SEMA3A: variants seen among roughly 807,000 people sequenced by gnomAD.
SEMA3A encodes semaphorin-3A.
In SEMA3A, 29 loss-of-function variants were observed where a neutral mutation model predicts 97.9. The observed-to-expected ratio is 0.30, with a 90% confidence interval of 0.22 to 0.40. The LOEUF is 0.40. SEMA3A is among the 10% of genes least tolerant of loss of function. SEMA3A has a pLI of 1.00. For synonymous variants in SEMA3A, 321 were observed against 323.7 expected, an observed-to-expected ratio of 0.99 and a Z score of 0.09; for missense variants, 763 against 951.3, an observed-to-expected ratio of 0.80 and a Z score of 2.60.
At chr7:84,127,998 T>C (rs1795853061) in intron 3 of SEMA3A, among the ~76,000 whole-genome samples, 4 of 152,094 alleles carry the variant, frequency 2.6e-5, no homozygotes, top group African/African-American at 7.2e-5. Flanking sequence ...GTAATTCATT[T>C]GAATTAATTT....
At chr7:84,076,450 A>G (rs1177743397) in intron 4 of SEMA3A, among the ~76,000 whole-genome samples, 1 of 151,984 alleles carries the variant, frequency 6.6e-6, no homozygotes, top group East Asian at 1.9e-4. Context: ...GATCATAAAA[A>G]CCTGATTTTT....
intron 2 of SEMA3A, among the ~76,000 whole-genome samples, chr7:84,366,615 C>A (rs963165021): frequency 3.3e-5 from 5 of 151,354 alleles, no homozygotes; most frequent in African/African-American, 1.2e-4. Flanking sequence ...CCATACTTTA[C>A]ACTCAATCAA....
chr7:84,453,161 G>C (rs191294665), intron 1 of SEMA3A, among the ~76,000 whole-genome samples: 1 of 151,646 alleles, frequency 6.6e-6, no homozygotes, highest in Non-Finnish European at 1.5e-5. Context: ...CTACTGCTAA[G>C]CAAATTCAAC....
rs150251305 is a variant in SEMA3A, at chr7:84,252,165, T to C, written c.-83+55042A>G. Among the ~76,000 whole-genome samples the C allele has an allele frequency of 5.6e-4, 86 of 152,260 alleles. 1 individual carries two copies. Among genetic ancestry groups the C allele is most frequent in the Non-Finnish European group, 9.0e-4 (61 of 68,008 alleles). Reference sequence around the variant, plus strand: ...AGCAATCCTCTTCCCTGAATGTCATTGTTCCCTGCAGAGACTTTGGTAAGT... The same window carrying C: ...AGCAATCCTCTTCCCTGAATGTCATCGTTCCCTGCAGAGACTTTGGTAAGT... On this transcript the variant is annotated intron_variant, in intron 3 of 3. Coordinates refer to the SEMA3A transcript ENST00000424555.
intron 1 of SEMA3A, among the ~76,000 whole-genome samples, chr7:84,471,978 T>C (rs551465924): frequency 3.0e-4 from 46 of 152,102 alleles, no homozygotes; most frequent in Admixed American, 1.4e-3. Context: ...TATTATTAAT[T>C]GCATTGACCT....
chr7:84,434,137 C>A (rs1017836001), intron 1 of SEMA3A, among the ~76,000 whole-genome samples: 3 of 151,956 alleles, frequency 2.0e-5, no homozygotes, highest in African/African-American at 7.3e-5. Flanking sequence ...AAGGTGGTAT[C>A]TTGTGGATTT....
At chr7:84,297,527 T>C (rs1239238981) in intron 3 of SEMA3A, among the ~76,000 whole-genome samples, 1 of 152,192 alleles carries the variant, frequency 6.6e-6, no homozygotes, top group Admixed American at 6.6e-5. Flanking sequence ...TCAACTTTCA[T>C]AGTATAGATG....
chr7:84,230,757 C>T (rs767117855), intron 3 of SEMA3A, among the ~76,000 whole-genome samples: 7 of 151,888 alleles, frequency 4.6e-5, no homozygotes, highest in Non-Finnish European at 1.0e-4. Context: ...CTTGATTACA[C>T]AGTTATCTAA....
intron 2 of SEMA3A, among the ~76,000 whole-genome samples, chr7:84,337,904 T>C (rs1452773820): frequency 2.0e-5 from 3 of 152,090 alleles, no homozygotes; most frequent in Admixed American, 2.0e-4. Flanking sequence ...AGAGCAGTGC[T>C]ATATCTAGGA....
At chr7:84,141,511 T>A (rs1796290633) in intron 1 of SEMA3A, among the ~76,000 whole-genome samples, 1 of 152,206 alleles carries the variant, frequency 6.6e-6, no homozygotes, top group Admixed American at 6.5e-5. Context: ...AGACTTTTCT[T>A]TGTATTTTAA....
chr7:83,963,250 C>T lies in SEMA3A; in HGVS notation c.1815G>A (p.Leu605=), dbSNP rs1381262195. The T allele has an allele frequency of 1.2e-5, 20 of 1,613,458 alleles. No individual in the cohort carries two copies. The highest frequency in any genetic ancestry group is 2.2e-5 in the East Asian group (1 of 44,884). Residue 605 remains leucine, a synonymous_variant, in exon 16 of 17, where the codon CTG becomes CTA. Coordinates refer to ENST00000265362, the MANE Select transcript of SEMA3A (RefSeq NM_006080.3). The part of the protein sequence containing the change: ...LECSPKSQRA[L]VYWQFQRRNE... ...TTCGCCTCTGGAATTGCCAATAGACCAGCGCTCTCTGCGACTTCGGACTGC... is the reference window on the plus strand; with the variant it reads ...TTCGCCTCTGGAATTGCCAATAGACTAGCGCTCTCTGCGACTTCGGACTGC...
intron 2 of SEMA3A, among the ~76,000 whole-genome samples, chr7:84,317,703 T>C (rs1441502761): frequency 6.6e-6 from 1 of 152,204 alleles, no homozygotes; most frequent in Non-Finnish European, 1.5e-5. Flanking sequence ...ACATATTTCA[T>C]CAGCTATTGT....
chr7:84,391,353 G>A (rs932320686), intron 1 of SEMA3A, among the ~76,000 whole-genome samples: 1 of 152,124 alleles, frequency 6.6e-6, no homozygotes, highest in Admixed American at 6.6e-5. Flanking sequence ...ATCTGGCTAG[G>A]AAACATATGT....
At chr7:84,460,901 G>T (rs968283056) in intron 1 of SEMA3A, among the ~76,000 whole-genome samples, 1 of 152,154 alleles carries the variant, frequency 6.6e-6, no homozygotes, top group African/African-American at 2.4e-5. Flanking sequence ...GTGCAAAATT[G>T]AGTCACATAG....
intron 1 of SEMA3A, among the ~76,000 whole-genome samples, chr7:84,425,135 AAAT>A (rs1415309650): frequency 1.8e-5 from 2 of 110,016 alleles, no homozygotes; most frequent in African/African-American, 7.5e-5. Flanking sequence ...ATTTATATAT[AAAT>A]ATTATATATA....
chr7:83,975,113 C>T (rs535082774), intron 15 of SEMA3A, among the ~76,000 whole-genome samples: 1 of 152,270 alleles, frequency 6.6e-6, no homozygotes, highest in South Asian at 2.1e-4. Context: ...ACTCTCCAAA[C>T]CCCAGTCATT....
At position 83,983,248 on chromosome 7, in the gene SEMA3A, CTTCT is replaced by C. The variant is rs201907639; in HGVS notation, c.1495-1774_1495-1771del. Among the ~76,000 whole-genome samples the C allele has an allele frequency of 5.7e-3, 840 of 146,570 alleles. 8 individuals are homozygous for C. The highest frequency in any genetic ancestry group is 0.02 in the African/African-American group (809 of 39,690). ...TTCTTTCTTTCTTTCTTTTCTTTCT[CTTCT>C]TTCTTTCTTTTTCTTTCACAGACTC... On this transcript the variant is annotated intron_variant, in intron 13 of 16. Transcript: ENST00000265362.
At chr7:84,383,714 A>G (rs1042925010) in intron 1 of SEMA3A, among the ~76,000 whole-genome samples, 6 of 152,194 alleles carry the variant, frequency 3.9e-5, no homozygotes, top group African/African-American at 1.2e-4. Context: ...AAAATATCCA[A>G]TAAGTTATTT....
intron 4 of SEMA3A, among the ~76,000 whole-genome samples, chr7:84,075,941 G>A (rs189593861): frequency 6.4e-4 from 98 of 152,192 alleles, no homozygotes; most frequent in African/African-American, 2.3e-3. Context: ...CAGATTCTGT[G>A]CCTCATTGTA....
Sources: gnomAD v4.1 joint callset for allele counts (sites outside exome capture counted in the v4.1 genomes callset) on GRCh38, gnomAD v4.1.1 for gene constraint, MANE v1.5 for transcripts, NCBI Gene and HGNC (gene_info 2026-07-23, HGNC 2026-07-21) for gene names.